Variants in TFEC observed in about 807,000 individuals in gnomAD.
TFEC encodes transcription factor EC.
TFEC carries 31 observed loss-of-function variants against 41.6 expected under a neutral mutation model. The ratio of observed to expected loss-of-function variants is 0.74; its 90% CI spans 0.56 to 1.01. The LOEUF is 1.01. TFEC is among the 50% of genes least tolerant of loss of function. TFEC has a pLI of 0.00. For synonymous variants in TFEC, 143 were observed against 140.6 expected (o/e 1.02, Z -0.12); for missense variants, 402 against 404.1 (o/e 0.99, Z 0.04).
At chr7:116,110,417 T>C (rs895193816) in intron 3 of TFEC, among the ~76,000 whole-genome samples, 1 of 152,072 alleles carries the variant, frequency 6.6e-6, no homozygotes, top group Non-Finnish European at 1.5e-5. Flanking sequence ...TATCAAGTAG[T>C]AGTTGTATCA....
chr7:116,125,412 A>G (rs142710296), intron 1 of TFEC, among the ~76,000 whole-genome samples: 2 of 152,316 alleles, frequency 1.3e-5, no homozygotes, highest in East Asian at 3.9e-4. Context: ...AGAGTATGGA[A>G]GATATTAAAT....
intron 3 of TFEC, among the ~76,000 whole-genome samples, chr7:116,075,788 A>G (rs1796945304): frequency 6.6e-6 from 1 of 152,012 alleles, no homozygotes; most frequent in Non-Finnish European, 1.5e-5. Flanking sequence ...GTCTTTCTCT[A>G]CCTGCCCTGG....
At chr7:116,026,988 C>A (rs548376789) in intron 1 of TFEC, among the ~76,000 whole-genome samples, 1 of 152,174 alleles carries the variant, frequency 6.6e-6, no homozygotes, top group South Asian at 2.1e-4. Flanking sequence ...TAGAATTTTA[C>A]CAGAATTTAA....
intron 6 of TFEC, among the ~76,000 whole-genome samples, chr7:115,943,405 T>C (rs1294996332): frequency 6.6e-6 from 1 of 151,818 alleles, no homozygotes; most frequent in Admixed American, 6.6e-5. Flanking sequence ...AAAGAAAAGC[T>C]TGAGGACAGA....
rs1044589025 is a variant in TFEC at position 115,940,639 on chromosome 7, T to A, written c.956A>T (p.Asp319Val). The part of the protein sequence containing the change: ...LDDTISPFGT[D>V]PLLSATSPAV... ...AGGGGAAGTGGCAGATAGCAGAGGA[T>A]CTGTTCCAAATGGAGAGATTGTGTC... Residue 319 changes from aspartate (D) to valine (V), a missense_variant, in exon 8 of 8, where the codon GAT becomes GTT. By Grantham distance (152) the Asp-to-Val change is radical (BLOSUM62 -3). Coordinates refer to ENST00000265440, the MANE Select transcript of TFEC (RefSeq NM_012252.4). 5 of 1,613,452 alleles carry A rather than the reference T, an allele frequency of 3.1e-6. No individual in the cohort carries two copies. Among genetic ancestry groups the A allele is most frequent in the Non-Finnish European group, 4.2e-6 (5 of 1,179,658 alleles).
chr7:116,127,104 T>TG (rs1237012621), intron 1 of TFEC, among the ~76,000 whole-genome samples: 4 of 147,426 alleles, frequency 2.7e-5, no homozygotes, highest in African/African-American at 1.0e-4. Context: ...TTGTTTTTTG[T>TG]TTTTTGTTTT....
At position 116,054,305 on chromosome 7, in the gene TFEC, T is replaced by C. The variant is rs1156982873; in HGVS notation, c.198+56403A>G. On this transcript the variant is annotated intron_variant, in intron 3 of 8. Transcript: ENST00000484212. ...AAATTAGGAAGGGTTGGTTGGAGAG[T>C]GGAAGGCTTGAAATTAAAGATTATA... is the stretch of plus-strand genomic sequence containing the variant. Among the ~76,000 whole-genome samples, 6 of 151,936 alleles carry C rather than the reference T, an allele frequency of 3.9e-5. No homozygotes were observed. In the South Asian group the frequency reaches 1.2e-3, roughly 32 times the overall value.
intron 1 of TFEC, among the ~76,000 whole-genome samples, chr7:116,121,244 T>A (rs1039491635): frequency 6.6e-6 from 1 of 151,992 alleles, no homozygotes; most frequent in Non-Finnish European, 1.5e-5. Context: ...CCATTAATGT[T>A]ACAACATAAA....
rs891650421 is a variant in TFEC, at chr7:116,030,638, A to G, written c.-78T>C. On this transcript the variant is annotated 5_prime_UTR_variant, in exon 1 of 8. Transcript: ENST00000265440. ...CTGCCGGTTTAGTTACCTACCAGCA[A>G]TGAGTGGATTTTATCAGTGTTGTCA... 1.0e-6 allele frequency: 1 copy of G among 985,290 alleles called. No homozygotes were observed. Among genetic ancestry groups the G allele is most frequent in the Admixed American group, 6.2e-5 (1 of 16,258 alleles). The allele number at this position is 985,290 out of a possible 1,614,324, so 61.0% of individuals were successfully genotyped here.
At position 115,939,108 on chromosome 7, in the gene TFEC, T is replaced by A. The variant is rs1004613034; in HGVS notation, c.*1443A>T. Reference sequence around the variant, plus strand: ...TCTCTGACCTTCTGTATTTACAGTTTATGCTTAGATTTTTTATTCTATATG... The same window carrying A: ...TCTCTGACCTTCTGTATTTACAGTTAATGCTTAGATTTTTTATTCTATATG... On this transcript the variant is annotated 3_prime_UTR_variant, in exon 8 of 8. Coordinates refer to ENST00000265440, the MANE Select transcript of TFEC (RefSeq NM_012252.4). 1 of 152,068 alleles carries A rather than the reference T, an allele frequency of 6.6e-6. No individual in the cohort carries two copies. Among genetic ancestry groups the A allele is most frequent in the Admixed American group, 6.6e-5 (1 of 15,236 alleles). The allele number at this position is 152,068 out of a possible 1,614,324, so 9.4% of individuals were successfully genotyped here. A position where few individuals can be genotyped will look rare whatever the true frequency, so the allele number is the denominator to read the frequency against.
intron 3 of TFEC, among the ~76,000 whole-genome samples, chr7:115,963,075 C>A (rs1792651544): frequency 1.3e-5 from 2 of 151,402 alleles, no homozygotes; most frequent in South Asian, 4.2e-4. Flanking sequence ...TTGTTCAACT[C>A]CCACTTCTGA....
chr7:116,041,678 C>T (rs1796040421), intron 3 of TFEC, among the ~76,000 whole-genome samples: 1 of 152,132 alleles, frequency 6.6e-6, no homozygotes, highest in Admixed American at 6.6e-5. Context: ...ACGTAGAAAA[C>T]TCTACTTCAT....
rs371077464 is a variant in TFEC, at chr7:116,108,936, AG to A, written c.198+1771del. Among the ~76,000 whole-genome samples, 489 of 152,284 alleles carry A rather than the reference AG, an allele frequency of 3.2e-3. 10 individuals are homozygous for A. The South Asian group carries it at 0.049, about 15-fold the overall frequency. On this transcript the variant is annotated intron_variant, in intron 3 of 8. Coordinates refer to the TFEC transcript ENST00000484212. ...ACTCAGAATTCTAACTTTAAAAAAC[AG>A]TCCTTCCCAAACCTGACAAAAACAA... is the stretch of plus-strand genomic sequence containing the variant.
At chr7:115,973,704 C>G (rs1262014972) in intron 3 of TFEC, among the ~76,000 whole-genome samples, 2 of 151,944 alleles carry the variant, frequency 1.3e-5, no homozygotes, top group Non-Finnish European at 2.9e-5. Context: ...TGACTTTAAC[C>G]TCTGGCTATT....
At chr7:116,091,263 T>G (rs1797321516) in intron 3 of TFEC, among the ~76,000 whole-genome samples, 1 of 152,122 alleles carries the variant, frequency 6.6e-6, no homozygotes, top group Non-Finnish European at 1.5e-5. Context: ...GAACATTGAA[T>G]AATAGAGCAT....
At chr7:115,996,075 C>T (rs965638802) in intron 1 of TFEC, among the ~76,000 whole-genome samples, 2 of 152,142 alleles carry the variant, frequency 1.3e-5, no homozygotes, top group South Asian at 2.1e-4. Context: ...ACTTGGGGAA[C>T]GTAAGACCTA....
chr7:116,057,479 A>C (rs540402414), intron 3 of TFEC, among the ~76,000 whole-genome samples: 8 of 152,124 alleles, frequency 5.3e-5, no homozygotes, highest in African/African-American at 1.9e-4. Flanking sequence ...AAAAATCGGA[A>C]AGAATTCATC....
rs944927291 is a variant in TFEC at position 115,938,452 on chromosome 7, G to C, written c.*2099C>G. ...TATTGAGAAGATGTATCTAATAGCT[G>C]TTTCACATGGCATATTTCAGATGAA... On this transcript the variant is annotated 3_prime_UTR_variant, in exon 8 of 8. Coordinates refer to ENST00000265440, the MANE Select transcript of TFEC (RefSeq NM_012252.4). 3.3e-5 allele frequency: 5 copies of C among 151,786 alleles called. No homozygotes were observed. Among genetic ancestry groups the C allele is most frequent in the Non-Finnish European group, 7.4e-5 (5 of 67,842 alleles). The allele number at this position is 151,786 out of a possible 1,614,324, so 9.4% of individuals were successfully genotyped here. A position where few individuals can be genotyped will look rare whatever the true frequency, so the allele number is the denominator to read the frequency against.
intron 3 of TFEC, among the ~76,000 whole-genome samples, chr7:116,044,065 T>C (rs756432350): frequency 1.3e-5 from 2 of 152,188 alleles, no homozygotes; most frequent in Non-Finnish European, 2.9e-5. Flanking sequence ...TCTGAAATTA[T>C]AGCATCTACA....
Sources: allele counts gnomAD v4.1 joint callset (sites outside exome capture counted in the v4.1 genomes callset), GRCh38; gene constraint gnomAD v4.1.1; transcripts MANE v1.5; gene names NCBI Gene and HGNC (gene_info 2026-07-23, HGNC 2026-07-21).